AMMECR1: variants seen among roughly 807,000 people sequenced by gnomAD.
The protein encoded by AMMECR1 is nuclear protein AMMECR1.
In AMMECR1, 3 loss-of-function variants were observed where a neutral mutation model predicts 22.5. The observed-to-expected ratio is 0.13, with a 90% CI of 0.06 to 0.35. The LOEUF (loss-of-function observed/expected upper bound fraction) is 0.35, where lower values mean the gene tolerates loss of function less well. AMMECR1 is among the 10% of genes least tolerant of loss of function. The pLI is 1.00. For synonymous variants in AMMECR1, 130 were observed against 116.7 expected (o/e 1.11, Z -0.74); for missense variants, 235 against 278.7 (o/e 0.84, Z 1.12).
upstream of AMMECR1, among the ~76,000 whole-genome samples, chrX:110,320,612 T>C (rs2068075222): frequency 8.9e-6 from 1 of 112,159 alleles, no homozygotes; most frequent in Non-Finnish European, 1.9e-5. Flanking sequence ...CCAGTAGTCA[T>C]GTCCTTAGTT....
chrX:110,219,649 T>C (rs980748553), intron 2 of AMMECR1: 6 of 720,632 alleles, frequency 8.3e-6, no homozygotes, highest in Non-Finnish European at 9.8e-6. Context: ...AACAAGGAGT[T>C]AGTAGGAAAA....
chrX:110,275,625 G>A (rs2067822109), intron 1 of AMMECR1, among the ~76,000 whole-genome samples: 1 of 110,877 alleles, frequency 9.0e-6, no homozygotes, highest in South Asian at 3.8e-4. Context: ...GAGGCCGGGA[G>A]TTCGAGACCA....
chrX:110,203,892 T>C (rs1340712350), intron 3 of AMMECR1, among the ~76,000 whole-genome samples: 1 of 111,799 alleles, frequency 8.9e-6, no homozygotes, highest in African/African-American at 3.2e-5. Context: ...ATTTATGGTT[T>C]TTTATTTTTA....
intron 1 of AMMECR1, among the ~76,000 whole-genome samples, chrX:110,438,694 G>A (rs764945248): frequency 4.5e-5 from 5 of 110,182 alleles, no homozygotes; most frequent in Non-Finnish European, 9.5e-5. Flanking sequence ...TTTTTTTTTA[G>A]CACTGATATT....
chrX:110,322,852 ATTAC>A (rs1183326800), upstream of AMMECR1, among the ~76,000 whole-genome samples: 3 of 111,593 alleles, frequency 2.7e-5, no homozygotes, highest in African/African-American at 9.8e-5. Flanking sequence ...GTCGTCTCTC[ATTAC>A]TTACTATTCG....
chrX:110,305,238 T>C (rs1231678567), intron 1 of AMMECR1, among the ~76,000 whole-genome samples: 1 of 112,241 alleles, frequency 8.9e-6, no homozygotes, highest in Admixed American at 9.4e-5. Context: ...GAACCAGTCA[T>C]AATATTAAGA....
chrX:110,416,257 G>A (rs984047510), intron 2 of AMMECR1, among the ~76,000 whole-genome samples: 1 of 111,855 alleles, frequency 8.9e-6, no homozygotes, highest in African/African-American at 3.3e-5. Context: ...GGTTCCATGG[G>A]CACACACTAA....
At position 110,370,069 on chromosome X, in the gene AMMECR1, T is replaced by C. The variant is rs150713010; in HGVS notation, c.-147-52220A>G. Among the ~76,000 whole-genome samples, 365 of 111,698 alleles carry C rather than the reference T, an allele frequency of 3.3e-3. 4 individuals are homozygous for C. The highest frequency in any genetic ancestry group is 0.011 in the African/African-American group (348 of 30,766). On this transcript the variant is annotated intron_variant, in intron 2 of 7. Coordinates refer to the AMMECR1 transcript ENST00000372057. ...CCTTCCTGAAACACCTACCCTTTAG[T>C]CCTAATTCCACTGTTTGGAGCAGTT... is the stretch of plus-strand genomic sequence containing the variant.
At chrX:110,415,692 A>C (rs2068672320) in intron 2 of AMMECR1, among the ~76,000 whole-genome samples, 1 of 111,091 alleles carries the variant, frequency 9.0e-6, no homozygotes, top group Non-Finnish European at 1.9e-5. Flanking sequence ...GAATTTTCCA[A>C]GCTCCTGGGT....
Position 110,416,006 on chromosome X carries a change from CAA to C in AMMECR1, c.-148+10650_-148+10651del, listed in dbSNP as rs58422043. On this transcript the variant is annotated intron_variant, in intron 2 of 7. Coordinates refer to the AMMECR1 transcript ENST00000372057. ...GTGGGTTAACTTAACCCAGAAGAGG[CAA>C]AAAAAAAAAAAAAATGGGAAGCAGA... Among the ~76,000 whole-genome samples, 90 of 74,265 alleles carry C rather than the reference CAA, an allele frequency of 1.2e-3. 1 individual carries two copies. Among genetic ancestry groups the C allele is most frequent in the Middle Eastern group, 8.1e-3 (1 of 124 alleles). The allele number at this position is 74,265 out of a possible 115,157, so 64.5% of individuals were successfully genotyped here.
At position 110,407,064 on chromosome X, in the gene AMMECR1, C is replaced by T. The variant is rs1477345404; in HGVS notation, c.-148+19594G>A. On this transcript the variant is annotated intron_variant, in intron 2 of 7. Transcript: ENST00000372057. ...GGAAAGCTCTGGTATTGCGCAAACG[C>T]TGCTTTAGGTGATTAACAATGCCGC... is the stretch of plus-strand genomic sequence containing the variant. Among the ~76,000 whole-genome samples the T allele has an allele frequency of 1.7e-4, 19 of 111,533 alleles. No individual in the cohort carries two copies. In the Admixed American group the frequency reaches 1.8e-3, roughly 11 times the overall value.
chrX:110,375,853 A>C (rs974766672), intron 2 of AMMECR1, among the ~76,000 whole-genome samples: 3 of 112,073 alleles, frequency 2.7e-5, no homozygotes, highest in Non-Finnish European at 3.8e-5. Context: ...TAAATAAAAC[A>C]TCAGAATCTG....
intron 2 of AMMECR1, among the ~76,000 whole-genome samples, chrX:110,220,383 C>G (rs910453790): frequency 9.0e-6 from 1 of 111,446 alleles, no homozygotes; most frequent in Non-Finnish European, 1.9e-5. Context: ...AAAGGGTAAA[C>G]AGAGCTAGAC....
chrX:110,298,790 G>A (rs1052459225), intron 1 of AMMECR1, among the ~76,000 whole-genome samples: 1 of 111,407 alleles, frequency 9.0e-6, no homozygotes, highest in African/African-American at 3.3e-5. Flanking sequence ...AACAACAGTA[G>A]TCTCAATGAT....
At chrX:110,238,148 T>A (rs769235376) in intron 2 of AMMECR1, among the ~76,000 whole-genome samples, 5 of 112,015 alleles carry the variant, frequency 4.5e-5, no homozygotes. Context: ...CATTCTGAGT[T>A]ATTGTTGTCA....
upstream of AMMECR1, chrX:110,318,161 G>A: frequency 1.2e-6 from 1 of 866,176 alleles, no homozygotes; most frequent in Non-Finnish European, 1.4e-6. Context: ...CAGGCCGCCG[G>A]GGGCGCGCCA....
chrX:110,292,208 A>G (rs757415818), intron 1 of AMMECR1, among the ~76,000 whole-genome samples: 8 of 112,577 alleles, frequency 7.1e-5, no homozygotes, highest in Non-Finnish European at 1.5e-4. Flanking sequence ...GTGCTGATAC[A>G]GAAGTATCTC....
chrX:110,205,624 T>C (rs755667120), intron 3 of AMMECR1, among the ~76,000 whole-genome samples: 11 of 111,884 alleles, frequency 9.8e-5, no homozygotes, highest in Non-Finnish European at 2.1e-4. Flanking sequence ...TGCCACTGTT[T>C]GAAGTACAGC....
intron 1 of AMMECR1, among the ~76,000 whole-genome samples, chrX:110,285,489 T>C (rs912450988): frequency 2.7e-5 from 3 of 111,777 alleles, no homozygotes; most frequent in Non-Finnish European, 3.8e-5. Context: ...TCTTCTATAA[T>C]GGGGTTGGAG....
Sources: gnomAD v4.1 joint callset for allele counts (sites outside exome capture counted in the v4.1 genomes callset) on GRCh38, gnomAD v4.1.1 for gene constraint, MANE v1.5 for transcripts, NCBI Gene and HGNC (gene_info 2026-07-23, HGNC 2026-07-21) for gene names.